The following LYST variants were observed in gnomAD, a reference collection of about 807,000 sequenced individuals.
LYST encodes the protein lysosomal-trafficking regulator.
Under a neutral mutation model 413.6 loss-of-function variants are expected in LYST, and 192 were observed. The ratio of observed to expected loss-of-function variants is 0.46; its 90% CI spans 0.41 to 0.52. The LOEUF (loss-of-function observed/expected upper bound fraction) is 0.52, where lower values mean the gene tolerates loss of function less well. LYST is among the 20% of genes least tolerant of loss of function. The pLI, the probability that LYST is intolerant of heterozygous loss-of-function variation, is 0.00. For synonymous variants in LYST, 1,525 were observed against 1,567.3 expected, an observed-to-expected ratio of 0.97 and a Z score of 0.64; for missense variants, 3,815 against 4,499.9, an observed-to-expected ratio of 0.85 and a Z score of 4.35.
intron 19 of LYST, among the ~76,000 whole-genome samples, chr1:235,771,917 GTTTTTTTTTTTTTTTT>G (rs1215590592): frequency 1.4e-5 from 1 of 72,728 alleles, no homozygotes; most frequent in Non-Finnish European, 2.6e-5. Flanking sequence ...TTTTTAGTTT[GTTTTTTTTTTTTTTTT>G]TTTTTTTGGC....
chr1:235,775,096 A>G lies in LYST; in HGVS notation c.5461-10T>C. 1 of 1,607,582 alleles carries G rather than the reference A, an allele frequency of 6.2e-7. No individual in the cohort carries two copies. The highest frequency in any genetic ancestry group is 1.1e-5 in the South Asian group (1 of 91,014). On this transcript the variant is annotated splice_polypyrimidine_tract_variant and intron_variant, in intron 17 of 52. Transcript: ENST00000389793. ...TACTGAGTTCAACAACCTAAAAAAA[A>G]AAATGGGTGGATATAGTTTTCTCCC...
intron 50 of LYST, among the ~76,000 whole-genome samples, chr1:235,665,843 C>A (rs1341334587): frequency 6.6e-6 from 1 of 151,930 alleles, no homozygotes; most frequent in African/African-American, 2.4e-5. Flanking sequence ...AGCATAATTG[C>A]CTGCCATGCT....
chr1:235,835,388 T>C (rs1676462704), intron 1 of LYST, among the ~76,000 whole-genome samples: 1 of 152,156 alleles, frequency 6.6e-6, no homozygotes, highest in African/African-American at 2.4e-5. Context: ...TATCTTGCAA[T>C]GCTAAGATGA....
chr1:235,721,269 T>C (rs1663346740), intron 39 of LYST, among the ~76,000 whole-genome samples: 1 of 152,342 alleles, frequency 6.6e-6, no homozygotes, highest in South Asian at 2.1e-4. Flanking sequence ...CACGGTCTTC[T>C]GAATTGGACA....
intron 50 of LYST, among the ~76,000 whole-genome samples, chr1:235,672,077 T>A (rs1658988055): frequency 6.6e-6 from 1 of 152,152 alleles, no homozygotes; most frequent in Admixed American, 6.5e-5. Flanking sequence ...TGACTCAGGT[T>A]TTTGACCTGT....
intron 22 of LYST, among the ~76,000 whole-genome samples, chr1:235,760,933 A>G (rs969822689): frequency 3.9e-5 from 6 of 152,206 alleles, no homozygotes; most frequent in African/African-American, 9.6e-5. Flanking sequence ...TAAAAAACAA[A>G]TATGTCCTGT....
In LYST at chr1:235,829,215, A is replaced by G. The variant is rs76863055; in HGVS notation, c.192+1011T>C. Among the ~76,000 whole-genome samples, 65 of 152,356 alleles carry G rather than the reference A, an allele frequency of 4.3e-4. 2 individuals carry two copies. In the East Asian group the frequency reaches 0.012, roughly 28 times the overall value. On this transcript the variant is annotated intron_variant, in intron 3 of 52. Coordinates refer to ENST00000389793, the MANE Select transcript of LYST (RefSeq NM_000081.4). ...GAGACTCTGTGTCTCAAAAAAAACC[A>G]TAAACCTACAAATGTCCTGAAAATT...
intron 19 of LYST, 108 bp downstream of exon 19, chr1:235,773,734 T>G: frequency 1.2e-6 from 1 of 861,228 alleles, no homozygotes; most frequent in South Asian, 1.5e-5. Flanking sequence ...ACACTGTAAA[T>G]GCACTTAATG....
intron 10 of LYST, among the ~76,000 whole-genome samples, chr1:235,799,107 A>C (rs1170309798): frequency 6.6e-6 from 1 of 152,224 alleles, no homozygotes; most frequent in Admixed American, 6.5e-5. Context: ...TAGCAAAATA[A>C]TAAAAATACA....
chr1:235,696,063 C>T (rs902991356), intron 46 of LYST, among the ~76,000 whole-genome samples: 1 of 152,156 alleles, frequency 6.6e-6, no homozygotes, highest in Non-Finnish European at 1.5e-5. Flanking sequence ...ATTGATAACA[C>T]AATAATTATG....
rs1003953428 is a variant in LYST at position 235,866,886 on chromosome 1, G to C, written c.-141C>G. 6.5e-6 allele frequency: 1 copy of C among 153,006 alleles called. No homozygotes were observed. The highest frequency in any genetic ancestry group is 1.5e-5 in the Non-Finnish European group (1 of 68,532). 9.5% of individuals were successfully genotyped at this position (153,006 alleles called of 1,614,324 possible). A position where few individuals can be genotyped will look rare whatever the true frequency, so the allele number is the denominator to read the frequency against. Reference sequence around the variant, plus strand: ...GGCCGCCGCGCACTCCCCCTCTCCCGGAGAACCCCGAGCCGACGCCGCTGC... The same window carrying C: ...GGCCGCCGCGCACTCCCCCTCTCCCCGAGAACCCCGAGCCGACGCCGCTGC... On this transcript the variant is annotated 5_prime_UTR_variant, in exon 1 of 53. Transcript: ENST00000389793.
In LYST at chr1:235,697,255, T is replaced by C. The variant is rs1661186047; in HGVS notation, c.10392A>G (p.Ile3464Met). ...CGTATTCCCCCCATTTCAAGCCTTT[T>C]ATCCATGACAAAGGACTCTAAAATG... ...EITYPSPLSW[I>M]KGLKWGEYVG... Residue 3464 changes from isoleucine (I) to methionine (M), a missense_variant, in exon 46 of 53, where the codon ATA becomes ATG. Ile to Met is a conservative substitution (Grantham distance 10). This residue lies in a region of LYST where 866 missense variants were observed against 1,156.0 expected (regional missense o/e 0.75). Coordinates refer to ENST00000389793, the MANE Select transcript of LYST (RefSeq NM_000081.4). 5.0e-6 allele frequency: 8 copies of C among 1,613,846 alleles called. No individual in the cohort carries two copies. Among genetic ancestry groups the C allele is most frequent in the Non-Finnish European group, 6.8e-6 (8 of 1,179,754 alleles).
intron 3 of LYST, chr1:235,828,124 C>T (rs925655655): frequency 1.0e-6 from 1 of 958,032 alleles, no homozygotes; most frequent in African/African-American, 1.8e-5. Flanking sequence ...GCAAAATATT[C>T]CCAAAAGAAA....
chr1:235,777,267 C>G lies in LYST; in HGVS notation c.5256G>C (p.Gln1752His). Reference sequence around the variant, plus strand: ...TAATCACTGGTTCATAGATGGTATACTGAGCAGGACAGTAAGTTGTATAAA... The same window carrying G: ...TAATCACTGGTTCATAGATGGTATAGTGAGCAGGACAGTAAGTTGTATAAA... Reference protein sequence around the residue: ...SVVYTTYCPAQYTIYEPVIRL... With the variant: ...SVVYTTYCPAHYTIYEPVIRL... The change falls in exon 17 of 53, where the codon CAG (glutamine) becomes CAC (histidine). Residue 1752 changes from glutamine (Q) to histidine (H), a missense_variant. Coordinates refer to ENST00000389793, the MANE Select transcript of LYST (RefSeq NM_000081.4). 1 of 1,612,524 alleles carries G rather than the reference C, an allele frequency of 6.2e-7. No individual in the cohort carries two copies. The highest frequency in any genetic ancestry group is 1.1e-5 in the South Asian group (1 of 91,044).
chr1:235,881,451 AC>A (rs1325392165), intron 1 of LYST, among the ~76,000 whole-genome samples: 2 of 152,246 alleles, frequency 1.3e-5, no homozygotes, highest in East Asian at 3.8e-4. Flanking sequence ...GAATTACCAT[AC>A]CATCCAACAA....
chr1:235,670,014 A>G lies in LYST; in HGVS notation c.11039-5393T>C, dbSNP rs547663535. Among the ~76,000 whole-genome samples the G allele has an allele frequency of 1.2e-4, 19 of 152,298 alleles. No individual in the cohort carries two copies. In the East Asian group the frequency reaches 3.3e-3, roughly 26 times the overall value. ...GGTGAACACAACTATGTCAGAAATAATAAGTTTCTCTTCAAAGCTCCCTTG... is the reference window on the plus strand; with the variant it reads ...GGTGAACACAACTATGTCAGAAATAGTAAGTTTCTCTTCAAAGCTCCCTTG... On this transcript the variant is annotated intron_variant, in intron 50 of 52. Transcript: ENST00000389793.
intron 13 of LYST, among the ~76,000 whole-genome samples, chr1:235,787,927 A>G (rs1670597305): frequency 6.6e-6 from 1 of 152,170 alleles, no homozygotes; most frequent in Non-Finnish European, 1.5e-5. Flanking sequence ...ACCTGTATCT[A>G]TACTACTTAA....
At chr1:235,688,304 C>A (rs1403744524) in intron 47 of LYST, among the ~76,000 whole-genome samples, 1 of 152,136 alleles carries the variant, frequency 6.6e-6, no homozygotes, top group Non-Finnish European at 1.5e-5. Context: ...CATCACTACT[C>A]ATCAATTATT....
chr1:235,741,879 A>G (rs1030593313), intron 30 of LYST, among the ~76,000 whole-genome samples: 1 of 152,264 alleles, frequency 6.6e-6, no homozygotes, highest in Admixed American at 6.5e-5. Flanking sequence ...CAGTGGATGA[A>G]CAGATAAACA....
Sources: allele counts gnomAD v4.1 joint callset (sites outside exome capture counted in the v4.1 genomes callset), GRCh38; gene constraint gnomAD v4.1.1; regional missense constraint gnomAD v4.1.1; transcripts MANE v1.5; gene names NCBI Gene and HGNC (gene_info 2026-07-23, HGNC 2026-07-21).